Variants in YWHAB observed in about 807,000 individuals in gnomAD.
YWHAB encodes 14-3-3 protein beta/alpha.
Under a neutral mutation model 28.5 loss-of-function variants are expected in YWHAB, and 2 were observed. The observed-to-expected ratio is 0.07, with a 90% CI of 0.03 to 0.22. The LOEUF (loss-of-function observed/expected upper bound fraction) is 0.22, where lower values mean the gene tolerates loss of function less well. YWHAB is among the 10% of genes least tolerant of loss of function. The pLI is 1.00. For synonymous variants in YWHAB, 103 were observed against 104.7 expected, an observed-to-expected ratio of 0.98 and a Z score of 0.10; for missense variants, 148 against 297.1, an observed-to-expected ratio of 0.50 and a Z score of 3.69.
chr20:44,907,775 T>C lies in YWHAB; in HGVS notation c.*1337T>C, dbSNP rs1459136560. On this transcript the variant is annotated 3_prime_UTR_variant, in exon 6 of 6. Transcript: ENST00000353703. The stretch of plus-strand genomic sequence containing the variant: ...CTGGCTTTAAAGATTGGAGAAGAGC[T>C]TCTGGCACCAGAACCCTGTCTTCCT... The C allele has an allele frequency of 6.6e-6, 1 of 152,248 alleles. No individual in the cohort carries two copies. The highest frequency in any genetic ancestry group is 1.5e-5 in the Non-Finnish European group (1 of 68,064). The allele number at this position is 152,248 out of a possible 1,614,324, so 9.4% of individuals were successfully genotyped here.
At chr20:44,892,659 G>T (rs1320074372) in intron 1 of YWHAB, among the ~76,000 whole-genome samples, 1 of 152,058 alleles carries the variant, frequency 6.6e-6, no homozygotes, top group Non-Finnish European at 1.5e-5. Context: ...AAATAAGAAT[G>T]GCTTATGAGC....
intron 1 of YWHAB, among the ~76,000 whole-genome samples, chr20:44,890,383 G>A (rs528442695): frequency 2.3e-4 from 35 of 152,014 alleles, no homozygotes; most frequent in East Asian, 1.9e-3. Context: ...CTCTGTCCAC[G>A]TAGGAAATAA....
chr20:44,894,970 T>C (rs1012786146), intron 1 of YWHAB, among the ~76,000 whole-genome samples: 1 of 152,264 alleles, frequency 6.6e-6, no homozygotes, highest in Non-Finnish European at 1.5e-5. Context: ...AGCACAGTTA[T>C]AAGCATTAAA....
Position 44,906,713 on chromosome 20 carries a change from C to G in YWHAB, c.*275C>G, listed in dbSNP as rs1203064533. ...TGTTTAATTTTTTAAAAACTGAACA[C>G]TGTGATTATGGGGTTTTGTAATTTA... On this transcript the variant is annotated 3_prime_UTR_variant, in exon 6 of 6. Transcript: ENST00000353703. The G allele has an allele frequency of 1.7e-5, 4 of 238,876 alleles. No homozygotes were observed. The highest frequency in any genetic ancestry group is 3.3e-5 in the Non-Finnish European group (4 of 121,142). The allele number at this position is 238,876 out of a possible 1,614,324, so 14.8% of individuals were successfully genotyped here.
intron 3 of YWHAB, 123 bp from the exon 4 acceptor site, chr20:44,904,845 A>G: frequency 1.1e-6 from 1 of 911,018 alleles, no homozygotes; most frequent in Non-Finnish European, 1.6e-6. Flanking sequence ...AGACACTGAC[A>G]CTTCATTTGA....
chr20:44,898,753 G>A (rs1026582385), intron 1 of YWHAB, among the ~76,000 whole-genome samples: 1 of 152,004 alleles, frequency 6.6e-6, no homozygotes, highest in East Asian at 2.0e-4. Flanking sequence ...TGATTCACCT[G>A]CCTCGGCCTC....
At chr20:44,889,610 A>G (rs1229373632) in intron 1 of YWHAB, among the ~76,000 whole-genome samples, 3 of 152,200 alleles carry the variant, frequency 2.0e-5, no homozygotes, top group Admixed American at 1.3e-4. Flanking sequence ...GAAGGCTACA[A>G]TAAAGTAGAT....
chr20:44,890,014 C>T (rs1276997296), intron 1 of YWHAB, among the ~76,000 whole-genome samples: 2 of 152,180 alleles, frequency 1.3e-5, no homozygotes, highest in East Asian at 3.8e-4. Context: ...ATGTCACCTG[C>T]CTCATAGGAT....
chr20:44,892,027 C>T (rs1421535065), intron 1 of YWHAB, among the ~76,000 whole-genome samples: 2 of 152,160 alleles, frequency 1.3e-5, no homozygotes, highest in Non-Finnish European at 2.9e-5. Flanking sequence ...CCACCTGGTC[C>T]CACTGACTTT....
chr20:44,900,376 C>A (rs1947692677), intron 1 of YWHAB, among the ~76,000 whole-genome samples: 3 of 152,162 alleles, frequency 2.0e-5, no homozygotes, highest in South Asian at 4.1e-4. Context: ...AGTGATTTAA[C>A]CAAGGTCATG....
intron 2 of YWHAB, 167 bp downstream of exon 2, chr20:44,902,000 C>A (rs961810807): frequency 4.5e-6 from 3 of 673,794 alleles, no homozygotes; most frequent in Non-Finnish European, 2.3e-6. Flanking sequence ...ATTTGTGTCA[C>A]CTATTGCCTG....
chr20:44,906,087 C>T lies in YWHAB; in HGVS notation c.675C>T (p.Asp225=), dbSNP rs1483722274. 1 of 1,612,166 alleles carries T rather than the reference C, an allele frequency of 6.2e-7. No individual in the cohort carries two copies. The highest frequency in any genetic ancestry group is 1.7e-5 in the Admixed American group (1 of 59,972). Reference sequence around the variant, plus strand: ...CTCTGATCATGCAGTTACTTAGGGACAATCTCACTGTAAGTACTACTTCCA... The same window carrying T: ...CTCTGATCATGCAGTTACTTAGGGATAATCTCACTGTAAGTACTACTTCCA... ...DSTLIMQLLR[D]NLTLWTSENQ... is the part of the protein sequence containing the mutation. The change falls in exon 5 of 6, where the codon GAC becomes GAT. Residue 225 remains aspartate, a synonymous_variant. Coordinates refer to ENST00000353703, the MANE Select transcript of YWHAB (RefSeq NM_139323.4).
rs370365832 is a variant in YWHAB, at chr20:44,899,226, C to T, written c.-3-2305C>T. On this transcript the variant is annotated intron_variant, in intron 1 of 5. Transcript: ENST00000353703. ...GGTGCAGTGGGTCACGCCTGTAAGTCCCAGCACTTTGGGAGGCCAAGGCGG... is the reference window on the plus strand; with the variant it reads ...GGTGCAGTGGGTCACGCCTGTAAGTTCCAGCACTTTGGGAGGCCAAGGCGG... Among the ~76,000 whole-genome samples the T allele has an allele frequency of 4.7e-5, 7 of 149,964 alleles. No individual in the cohort carries two copies. In the East Asian group the frequency reaches 6.1e-4, roughly 13 times the overall value.
At position 44,892,859 on chromosome 20, in the gene YWHAB, A is replaced by G. The variant is rs1284349854; in HGVS notation, c.-4+6973A>G. ...GCTTGCTAAAAGCAGACCCCACCGT[A>G]TATTTTATATGTATAGAGCTTGGGT... On this transcript the variant is annotated intron_variant, in intron 1 of 5. Transcript: ENST00000353703. Among the ~76,000 whole-genome samples, 6 of 152,344 alleles carry G rather than the reference A, an allele frequency of 3.9e-5. 1 individual carries two copies. Among genetic ancestry groups the G allele is most frequent in the Admixed American group, 3.3e-4 (5 of 15,302 alleles).
intron 1 of YWHAB, among the ~76,000 whole-genome samples, chr20:44,900,320 T>TG (rs1376758993): frequency 2.0e-5 from 3 of 152,206 alleles, no homozygotes; most frequent in African/African-American, 7.2e-5. Flanking sequence ...CATCCAGCCC[T>TG]GGGTAGTGTT....
intron 2 of YWHAB, chr20:44,903,738 G>C: frequency 3.0e-6 from 1 of 330,302 alleles, no homozygotes; most frequent in South Asian, 3.9e-5. Flanking sequence ...CATTTTAAAG[G>C]CCTACAAAAC....
rs752616742 is a variant in YWHAB at position 44,904,977 on chromosome 20, C to T, written c.434C>T (p.Ser145Leu). The T allele has an allele frequency of 8.8e-6, 14 of 1,599,118 alleles. No individual in the cohort carries two copies. Among genetic ancestry groups the T allele is most frequent in the South Asian group, 4.5e-5 (4 of 89,828 alleles). ...CATCTTTATGTTACAGCCACTGTGT[C>T]GAACTCCCAGCAGGCTTACCAGGAA... Reference protein sequence around the residue: ...ASGDNKQTTVSNSQQAYQEAF... With the variant: ...ASGDNKQTTVLNSQQAYQEAF... Residue 145 changes from serine to leucine, a missense_variant, in exon 4 of 6, where the codon TCG (serine) becomes TTG (leucine). Ser to Leu is a moderately radical substitution (Grantham distance 145). Around this residue, in one of 2 missense-constraint regions of YWHAB, gnomAD observed 110 missense variants for 177.9 expected, o/e 0.62. Coordinates refer to ENST00000353703, the MANE Select transcript of YWHAB (RefSeq NM_139323.4).
At chr20:44,903,949 A>G (rs771591571) in intron 2 of YWHAB, 44 bp from the exon 3 acceptor site, 4 of 1,575,706 alleles carry the variant, frequency 2.5e-6, no homozygotes, top group Non-Finnish European at 3.4e-6. Context: ...TAGTTTTAAC[A>G]TCTCGTGAAT....
At chr20:44,891,061 T>G (rs2066558572) in intron 1 of YWHAB, among the ~76,000 whole-genome samples, 3 of 152,218 alleles carry the variant, frequency 2.0e-5, no homozygotes, top group Admixed American at 1.3e-4. Flanking sequence ...TTTGAGTGCT[T>G]ACTGTTTTAT....
Sources: gnomAD v4.1 joint callset for allele counts (sites outside exome capture counted in the v4.1 genomes callset) on GRCh38, gnomAD v4.1.1 for gene constraint, gnomAD v4.1.1 regional missense constraint, MANE v1.5 for transcripts, NCBI Gene and HGNC (gene_info 2026-07-23, HGNC 2026-07-21) for gene names.